Variants in FOXP1 observed in about 807,000 individuals in gnomAD.
FOXP1 encodes forkhead box protein P1.
A neutral mutation model predicts 98.2 loss-of-function variants in FOXP1; 15 were observed. The observed-to-expected ratio is 0.15, with a 90% CI of 0.10 to 0.24. The LOEUF (loss-of-function observed/expected upper bound fraction) is 0.24, where lower values mean the gene tolerates loss of function less well. FOXP1 is among the 10% of genes least tolerant of loss of function. The probability of loss-of-function intolerance (pLI) is 1.00; values close to 1 mark genes in which losing one functional copy is unlikely to be tolerated. For synonymous variants in FOXP1, 371 were observed against 314.5 expected, an observed-to-expected ratio of 1.18 and a Z score of -1.90; for missense variants, 633 against 848.5, an observed-to-expected ratio of 0.75 and a Z score of 3.15.
chr3:71,475,780 T>C (rs1242821010), intron 3 of FOXP1, among the ~76,000 whole-genome samples: 1 of 151,978 alleles, frequency 6.6e-6, no homozygotes, highest in Non-Finnish European at 1.5e-5. Context: ...AGGCGGAGGT[T>C]GCAGTGAGCT....
chr3:71,376,758 C>T (rs2079746490), intron 3 of FOXP1, among the ~76,000 whole-genome samples: 1 of 152,122 alleles, frequency 6.6e-6, no homozygotes, highest in Non-Finnish European at 1.5e-5. Flanking sequence ...CACCATGGTC[C>T]CCTTTCATCT....
chr3:71,193,931 C>A (rs1401390293), intron 6 of FOXP1, among the ~76,000 whole-genome samples: 1 of 152,180 alleles, frequency 6.6e-6, no homozygotes, highest in East Asian at 1.9e-4. Flanking sequence ...TCCCTATCTA[C>A]CGTTCCCACC....
intron 2 of FOXP1, among the ~76,000 whole-genome samples, chr3:71,528,587 C>G (rs954483188): frequency 6.6e-6 from 1 of 152,164 alleles, no homozygotes; most frequent in African/African-American, 2.4e-5. Flanking sequence ...GGTCACAGAT[C>G]AATTTGAAGT....
At chr3:71,366,308 C>T (rs1038434721) in intron 3 of FOXP1, among the ~76,000 whole-genome samples, 16 of 152,000 alleles carry the variant, frequency 1.1e-4, no homozygotes, top group Non-Finnish European at 2.4e-4. Flanking sequence ...AAATGTCTAT[C>T]AAAACAGAAC....
At chr3:71,030,699 T>C (rs1465580185) in intron 11 of FOXP1, among the ~76,000 whole-genome samples, 1 of 152,246 alleles carries the variant, frequency 6.6e-6, no homozygotes, top group Non-Finnish European at 1.5e-5. Context: ...TCTTGCACTT[T>C]GGACAACTTC....
intron 4 of FOXP1, chr3:71,305,886 G>GTAA (rs2074239423): frequency 6.6e-6 from 1 of 152,636 alleles, no homozygotes; most frequent in Non-Finnish European, 1.5e-5. Context: ...ACCCGTTCAT[G>GTAA]GTGAGGAGGC....
At chr3:71,503,014 G>A (rs1416550319) in intron 2 of FOXP1, among the ~76,000 whole-genome samples, 2 of 147,948 alleles carry the variant, frequency 1.4e-5, no homozygotes, top group East Asian at 2.0e-4. Context: ...AGCCTCTAAT[G>A]TAAAACTGAA....
At position 71,198,240 on chromosome 3, in the gene FOXP1, C is replaced by A. The variant is rs200378555; in HGVS notation, c.142G>T (p.Ala48Ser). 1 of 1,614,082 alleles carries A rather than the reference C, an allele frequency of 6.2e-7. No individual in the cohort carries two copies. ...TGCTGGGCGTGGGCGAGGTCAGCTGCCCCGATGTCCACGGCCGGCGTCTCT... is the reference window on the plus strand; with the variant it reads ...TGCTGGGCGTGGGCGAGGTCAGCTGACCCGATGTCCACGGCCGGCGTCTCT... ...NGETPAVDIG[A>S]ADLAHAQQQQ... The change falls in exon 6 of 21, where the codon GCA becomes TCA. Residue 48 changes from alanine (A) to serine (S), a missense_variant. Transcript: ENST00000649528.
intron 20 of FOXP1, among the ~76,000 whole-genome samples, chr3:70,964,258 T>C (rs1006844399): frequency 6.6e-6 from 1 of 152,252 alleles, no homozygotes; most frequent in Non-Finnish European, 1.5e-5. Flanking sequence ...ACAAAGACTA[T>C]TGTAAAACAT....
At chr3:70,972,709 T>G in intron 17 of FOXP1, 33 bp from the exon 18 acceptor site, 1 of 1,611,674 alleles carries the variant, frequency 6.2e-7, no homozygotes. Flanking sequence ...AACATTTACA[T>G]TTTCTATAAG....
chr3:70,959,193 T>C lies in FOXP1; in HGVS notation c.*54A>G, dbSNP rs1018648620. 2.5e-6 allele frequency: 4 copies of C among 1,594,856 alleles called. No individual in the cohort carries two copies. The highest frequency in any genetic ancestry group is 2.6e-6 in the Non-Finnish European group (3 of 1,165,338). On this transcript the variant is annotated 3_prime_UTR_variant, in exon 21 of 21. Coordinates refer to ENST00000649528, the MANE Select transcript of FOXP1 (RefSeq NM_001349338.3). ...TTTCACTGCTAACTTTTGACGTGTT[T>C]TTTTTTTTTTCCTTTTTCCAATCTT... is the stretch of plus-strand genomic sequence containing the variant.
At chr3:71,574,481 T>C (rs529323240) in intron 2 of FOXP1, 2 of 152,338 alleles carry the variant, frequency 1.3e-5, no homozygotes, top group African/African-American at 4.8e-5. Flanking sequence ...TTCATAATCT[T>C]GTAGGATGCC....
rs1022862270 is a variant in FOXP1, at chr3:71,525,350, T to C, written c.-297-31795A>G. On this transcript the variant is annotated intron_variant, in intron 2 of 20. Coordinates refer to ENST00000649528, the MANE Select transcript of FOXP1 (RefSeq NM_001349338.3). ...TGGGCTGCTACAAAATATGTGAATC[T>C]ATTTTTAAGAAATTCCCTAATTTTC... is the stretch of plus-strand genomic sequence containing the variant. Among the ~76,000 whole-genome samples the C allele has an allele frequency of 1.1e-4, 16 of 152,248 alleles. 1 individual carries two copies. The highest frequency in any genetic ancestry group is 1.0e-4 in the Non-Finnish European group (7 of 68,048).
At chr3:71,355,957 G>A (rs1052365780) in intron 4 of FOXP1, among the ~76,000 whole-genome samples, 1 of 151,964 alleles carries the variant, frequency 6.6e-6, no homozygotes, top group Non-Finnish European at 1.5e-5. Flanking sequence ...TCTTTGCCAC[G>A]GACCTGTGGC....
At chr3:71,392,424 A>G (rs2081100209) in intron 3 of FOXP1, among the ~76,000 whole-genome samples, 1 of 152,210 alleles carries the variant, frequency 6.6e-6, no homozygotes, top group African/African-American at 2.4e-5. Flanking sequence ...GATATATGTG[A>G]TATATTACTA....
chr3:71,225,010 C>A (rs928541906), intron 5 of FOXP1, among the ~76,000 whole-genome samples: 1 of 152,136 alleles, frequency 6.6e-6, no homozygotes, highest in Non-Finnish European at 1.5e-5. Flanking sequence ...CTATACAATA[C>A]CTGCAATAAA....
chr3:71,140,901 C>T (rs2060036114), intron 6 of FOXP1, among the ~76,000 whole-genome samples: 1 of 151,524 alleles, frequency 6.6e-6, no homozygotes, highest in South Asian at 2.1e-4. Context: ...ATCTCTTGAG[C>T]TCAGAAGTTT....
At chr3:71,487,605 T>G (rs1035363315) in intron 3 of FOXP1, among the ~76,000 whole-genome samples, 6 of 152,236 alleles carry the variant, frequency 3.9e-5, no homozygotes, top group African/African-American at 1.4e-4. Flanking sequence ...CAATGATGTC[T>G]GCCAAGGCAC....
At chr3:70,984,480 G>T (rs1289943711) in intron 14 of FOXP1, among the ~76,000 whole-genome samples, 1 of 152,192 alleles carries the variant, frequency 6.6e-6, no homozygotes, top group African/African-American at 2.4e-5. Context: ...GTGAGACTGT[G>T]TGAGTATGTA....
Sources: gnomAD v4.1 joint callset for allele counts (sites outside exome capture counted in the v4.1 genomes callset) on GRCh38, gnomAD v4.1.1 for gene constraint, MANE v1.5 for transcripts, NCBI Gene and HGNC (gene_info 2026-07-23, HGNC 2026-07-21) for gene names.